THSD4: variants seen among roughly 807,000 people sequenced by gnomAD.
The protein encoded by THSD4 is thrombospondin type 1 domain containing 4.
Under a neutral mutation model 119.0 loss-of-function variants are expected in THSD4, and 69 were observed. The ratio of observed to expected loss-of-function variants is 0.58; its 90% CI spans 0.48 to 0.71. The LOEUF (loss-of-function observed/expected upper bound fraction) is 0.71, where lower values mean the gene tolerates loss of function less well. Among genes scored for constraint, THSD4 ranks in the 30% least tolerant of loss-of-function variants. The pLI is 0.00. For missense variants in THSD4, 1,393 were observed against 1,391.1 expected, an observed-to-expected ratio of 1.00 and a Z score of -0.02; for synonymous variants, 524 against 540.4, an observed-to-expected ratio of 0.97 and a Z score of 0.42.
chr15:71,448,394 G>T (rs371473069), intron 7 of THSD4, among the ~76,000 whole-genome samples: 2 of 152,126 alleles, frequency 1.3e-5, no homozygotes, highest in East Asian at 3.9e-4. Flanking sequence ...AACATTTGGG[G>T]GCATTTCATA....
chr15:71,113,923 GT>G (rs34068489), upstream of THSD4, among the ~76,000 whole-genome samples: 33,170 of 148,664 alleles, frequency 0.22, 4,626 homozygotes, highest in African/African-American at 0.41. Flanking sequence ...AGTTGCGCAG[GT>G]TTTTTTTTTT....
At chr15:71,658,405 C>A (rs1232815560) in intron 7 of THSD4, among the ~76,000 whole-genome samples, 1 of 152,140 alleles carries the variant, frequency 6.6e-6, no homozygotes, top group Admixed American at 6.5e-5. Flanking sequence ...CCAGGGGTAG[C>A]AGCAACAGAC....
chr15:71,479,950 G>C (rs901393589), intron 7 of THSD4, among the ~76,000 whole-genome samples: 2 of 152,206 alleles, frequency 1.3e-5, no homozygotes, highest in African/African-American at 4.8e-5. Flanking sequence ...GTTCTTTTCT[G>C]TGTGTGTAAG....
At chr15:71,407,930 C>A (rs922119829) in intron 6 of THSD4, among the ~76,000 whole-genome samples, 1 of 152,152 alleles carries the variant, frequency 6.6e-6, no homozygotes, top group Admixed American at 6.5e-5. Flanking sequence ...ACAGTAGGAA[C>A]CACTGCTTTA....
chr15:71,525,058 A>C (rs1332682612), intron 7 of THSD4, among the ~76,000 whole-genome samples: 2 of 151,766 alleles, frequency 1.3e-5, no homozygotes, highest in Non-Finnish European at 2.9e-5. Context: ...ACCTAGAAGG[A>C]AAATGGTGGT....
chr15:71,312,783 T>C (rs1301300523), intron 6 of THSD4, among the ~76,000 whole-genome samples: 3 of 152,078 alleles, frequency 2.0e-5, no homozygotes, highest in Non-Finnish European at 4.4e-5. Flanking sequence ...TTGCACTTGC[T>C]CTTTGTGCTT....
intron 4 of THSD4, among the ~76,000 whole-genome samples, chr15:71,234,102 G>A (rs891310550): frequency 6.6e-6 from 1 of 152,204 alleles, no homozygotes; most frequent in Non-Finnish European, 1.5e-5. Flanking sequence ...GAACCACAAA[G>A]GGGTGATCCA....
Position 71,630,705 on chromosome 15 carries a change from G to A in THSD4, c.1153-29825G>A, listed in dbSNP as rs28592124. Among the ~76,000 whole-genome samples, 1,338 of 152,292 alleles carry A rather than the reference G, an allele frequency of 8.8e-3. 15 individuals carry two copies. Among genetic ancestry groups the A allele is most frequent in the African/African-American group, 0.03 (1,265 of 41,560 alleles). ...CACAAAGACTAAGGCCCTTCCAGGAGGGTCTCTCCCAGCTCTGGGGATCCC... is the reference window on the plus strand; with the variant it reads ...CACAAAGACTAAGGCCCTTCCAGGAAGGTCTCTCCCAGCTCTGGGGATCCC... On this transcript the variant is annotated intron_variant, in intron 7 of 17. Transcript: ENST00000261862.
chr15:71,763,528 TA>T (rs1481374349), intron 15 of THSD4, among the ~76,000 whole-genome samples: 1 of 151,340 alleles, frequency 6.6e-6, no homozygotes, highest in Non-Finnish European at 1.5e-5. Flanking sequence ...CTGGGCAATA[TA>T]ATGAGACCCT....
chr15:71,657,375 A>C (rs949055483), intron 7 of THSD4, among the ~76,000 whole-genome samples: 10 of 152,352 alleles, frequency 6.6e-5, no homozygotes, highest in African/African-American at 2.2e-4. Flanking sequence ...CATCTAGTCC[A>C]ATTCTTCCCT....
intron 7 of THSD4, among the ~76,000 whole-genome samples, chr15:71,455,050 C>T (rs568403755): frequency 5.3e-5 from 8 of 152,340 alleles, no homozygotes; most frequent in African/African-American, 1.9e-4. Flanking sequence ...GCTGCATCAC[C>T]TGCTGATCAC....
At chr15:71,723,838 C>A (rs2052768702) in intron 8 of THSD4, among the ~76,000 whole-genome samples, 1 of 151,942 alleles carries the variant, frequency 6.6e-6, no homozygotes, top group Non-Finnish European at 1.5e-5. Context: ...GAGGCCAAGG[C>A]AGGAGGATCG....
intron 16 of THSD4, among the ~76,000 whole-genome samples, chr15:71,770,346 T>TA (rs71131707): frequency 0.033 from 4,262 of 127,394 alleles, 84 homozygotes; most frequent in Non-Finnish European, 0.039. Flanking sequence ...ATATGTCCTT[T>TA]AAAAAAAAAA....
At chr15:71,195,147 T>G (rs1219888210) in intron 3 of THSD4, among the ~76,000 whole-genome samples, 1 of 152,208 alleles carries the variant, frequency 6.6e-6, no homozygotes, top group Non-Finnish European at 1.5e-5. Flanking sequence ...GGAAGGTACG[T>G]AACTGTACTC....
Position 71,576,590 on chromosome 15 carries a change from A to G in THSD4, c.1153-83940A>G, listed in dbSNP as rs900168847. ...GTTTTTTGTTAGGACAGTCATGTACATAGTACATACTATGAAATTATGTCA... is the reference window on the plus strand; with the variant it reads ...GTTTTTTGTTAGGACAGTCATGTACGTAGTACATACTATGAAATTATGTCA... On this transcript the variant is annotated intron_variant, in intron 7 of 17. Transcript: ENST00000261862. Among the ~76,000 whole-genome samples the G allele has an allele frequency of 6.6e-5, 10 of 152,226 alleles. No individual in the cohort carries two copies. The South Asian group carries it at 8.3e-4, about 13-fold the overall frequency.
intron 6 of THSD4, among the ~76,000 whole-genome samples, chr15:71,287,973 AT>A (rs1057092537): frequency 6.6e-6 from 1 of 152,126 alleles, no homozygotes; most frequent in African/African-American, 2.4e-5. Context: ...TCTTTTTCAC[AT>A]TTGAGTAACT....
At chr15:71,168,127 A>G (rs1476208146) in intron 3 of THSD4, among the ~76,000 whole-genome samples, 2 of 152,254 alleles carry the variant, frequency 1.3e-5, no homozygotes, top group Admixed American at 6.5e-5. Context: ...GCAAATGACT[A>G]CATTTTTAAA....
chr15:71,290,223 G>A (rs908913667), intron 6 of THSD4, among the ~76,000 whole-genome samples: 2 of 152,210 alleles, frequency 1.3e-5, no homozygotes, highest in Non-Finnish European at 2.9e-5. Context: ...GCCTGGTGCT[G>A]GCACAGCAGG....
At chr15:71,167,285 T>A (rs1030934003) in intron 3 of THSD4, 2 of 152,266 alleles carry the variant, frequency 1.3e-5, no homozygotes, top group African/African-American at 4.8e-5. Flanking sequence ...TTCTGTGCTA[T>A]AAAGTCTGTC....
Sources: gnomAD v4.1 joint callset for allele counts (sites outside exome capture counted in the v4.1 genomes callset) on GRCh38, gnomAD v4.1.1 for gene constraint, MANE v1.5 for transcripts, NCBI Gene and HGNC (gene_info 2026-07-23, HGNC 2026-07-21) for gene names.